The following TMC2 variants were observed in gnomAD, a reference collection of about 807,000 sequenced individuals.
The protein encoded by TMC2 is transmembrane channel-like protein 2.
TMC2 carries 102 observed loss-of-function variants against 105.9 expected under a neutral mutation model. That is an observed-to-expected ratio of 0.96 (90% CI 0.82 to 1.14). The LOEUF is 1.14. TMC2 is among the 50% of genes most tolerant of loss of function. The pLI, the probability that TMC2 is intolerant of heterozygous loss-of-function variation, is 0.00. For synonymous variants in TMC2, 402 were observed against 422.8 expected, an observed-to-expected ratio of 0.95 and a Z score of 0.60; for missense variants, 1,093 against 1,134.3, an observed-to-expected ratio of 0.96 and a Z score of 0.52.
chr20:2,617,258 G>T lies in TMC2; in HGVS notation c.2127G>T (p.Pro709=). ...TGGTGCTCTTCCTCAGCCTCCTGCC[G>T]GTGGCCTACACCATCATGTCCCTCC... ...LLLVLFLSLL[P]VAYTIMSLPP... is the part of the protein sequence containing the mutation. The change falls in exon 16 of 20, where the codon CCG becomes CCT. Residue 709 remains proline, a synonymous_variant. Coordinates refer to ENST00000358864, the MANE Select transcript of TMC2 (RefSeq NM_080751.3). 2 of 1,614,160 alleles carry T rather than the reference G, an allele frequency of 1.2e-6. No homozygotes were observed. Among genetic ancestry groups the T allele is most frequent in the South Asian group, 2.2e-5 (2 of 91,082 alleles).
intron 8 of TMC2, among the ~76,000 whole-genome samples, chr20:2,593,065 G>T (rs2086280340): frequency 6.6e-6 from 1 of 152,150 alleles, no homozygotes; most frequent in South Asian, 2.1e-4. Context: ...GGGTTTAATT[G>T]GTTCACAGTT....
Position 2,546,103 on chromosome 20 carries a change from A to ACC in TMC2, c.82+8787_82+8788insCC, listed in dbSNP as rs2085924813. 3.9e-5 allele frequency among the ~76,000 whole-genome samples: 6 copies of ACC among 152,280 alleles called. No individual in the cohort carries two copies. The South Asian group carries it at 1.2e-3, about 32-fold the overall frequency. ...ACAAAAGGTCCCCAAGTAGTGTTTT[A>ACC]TGGAGGCAGGGCCCTTCTAGGACAT... On this transcript the variant is annotated intron_variant, in intron 2 of 19. Transcript: ENST00000358864.
intron 4 of TMC2, among the ~76,000 whole-genome samples, chr20:2,570,987 A>G (rs2086099021): frequency 6.6e-6 from 1 of 152,218 alleles, no homozygotes. Flanking sequence ...CTCACCATAC[A>G]CAAAAATCAG....
chr20:2,586,941 T>G (rs1030707516), intron 7 of TMC2, among the ~76,000 whole-genome samples: 5 of 152,244 alleles, frequency 3.3e-5, no homozygotes, highest in Non-Finnish European at 5.9e-5. Flanking sequence ...TGAATAATTT[T>G]CAAGACTTTA....
chr20:2,617,443 T>C lies in TMC2; in HGVS notation c.2180+132T>C, dbSNP rs115994996. ...CATGGAACTTTGGGTGAATCACCGATGCCATTTAAGAGGGTTTTCTGCCAG... is the reference window on the plus strand; with the variant it reads ...CATGGAACTTTGGGTGAATCACCGACGCCATTTAAGAGGGTTTTCTGCCAG... On this transcript the variant is annotated intron_variant, in intron 16 of 19. Coordinates refer to ENST00000358864, the MANE Select transcript of TMC2 (RefSeq NM_080751.3). 1.1e-3 allele frequency: 1,383 copies of C among 1,218,398 alleles called. 15 individuals are homozygous for C. In the African/African-American group the frequency reaches 0.019, roughly 16 times the overall value. 75.5% of individuals were successfully genotyped at this position (1,218,398 alleles called of 1,614,324 possible).
chr20:2,582,502 G>T (rs1177598077), intron 7 of TMC2, among the ~76,000 whole-genome samples: 1 of 151,976 alleles, frequency 6.6e-6, no homozygotes, highest in Non-Finnish European at 1.5e-5. Flanking sequence ...GAGAGACAGA[G>T]CCTCATTCTA....
chr20:2,608,253 T>A (rs1404823877), intron 11 of TMC2, among the ~76,000 whole-genome samples: 2 of 149,440 alleles, frequency 1.3e-5, no homozygotes, highest in Admixed American at 6.7e-5. Context: ...GATAAAGTCC[T>A]AAATGGCTTT....
At chr20:2,611,886 GTGGA>G (rs59459136) in intron 12 of TMC2, among the ~76,000 whole-genome samples, 1,740 of 87,050 alleles carry the variant, frequency 0.02, 7 homozygotes, top group East Asian at 0.032. Context: ...GGGTGGGTGG[GTGGA>G]TGGATGGATG....
chr20:2,548,543 C>T (rs1333003001), intron 2 of TMC2, among the ~76,000 whole-genome samples: 1 of 151,522 alleles, frequency 6.6e-6, no homozygotes, highest in Non-Finnish European at 1.5e-5. Context: ...GAGGCTGAGG[C>T]AGGAGAATTG....
At chr20:2,640,015 C>T (rs541801429) in intron 19 of TMC2, among the ~76,000 whole-genome samples, 1 of 152,326 alleles carries the variant, frequency 6.6e-6, no homozygotes, top group South Asian at 2.1e-4. Flanking sequence ...TGGAGTCACA[C>T]TCTGTCGCCC....
At chr20:2,597,539 G>A (rs569081338) in intron 10 of TMC2, among the ~76,000 whole-genome samples, 9 of 152,300 alleles carry the variant, frequency 5.9e-5, no homozygotes, top group African/African-American at 1.7e-4. Context: ...CCAGGCTGGA[G>A]TGCAGTGGTG....
chr20:2,544,068 A>ATTT (rs3051737), intron 2 of TMC2, among the ~76,000 whole-genome samples: 5 of 132,486 alleles, frequency 3.8e-5, no homozygotes, highest in South Asian at 2.5e-4. Context: ...TGCCTAGCTG[A>ATTT]TTTTTTTTTT....
intron 7 of TMC2, among the ~76,000 whole-genome samples, chr20:2,581,533 G>A (rs916153158): frequency 6.6e-6 from 1 of 152,206 alleles, no homozygotes; most frequent in Non-Finnish European, 1.5e-5. Context: ...ATTGTCAAAA[G>A]CTAATAGGAA....
At chr20:2,605,944 A>G (rs1173685589) in intron 11 of TMC2, among the ~76,000 whole-genome samples, 5 of 152,190 alleles carry the variant, frequency 3.3e-5, no homozygotes, top group African/African-American at 1.2e-4. Context: ...GGGCTGTCAG[A>G]CCTTGACTTT....
chr20:2,545,543 G>A (rs1244894860), intron 2 of TMC2, among the ~76,000 whole-genome samples: 1 of 152,084 alleles, frequency 6.6e-6, no homozygotes, highest in African/African-American at 2.4e-5. Context: ...TCTGGTTTTG[G>A]CCAGAATACT....
intron 10 of TMC2, among the ~76,000 whole-genome samples, chr20:2,599,538 C>CCTT (rs1568519575): frequency 9.6e-6 from 1 of 104,068 alleles, no homozygotes; most frequent in Non-Finnish European, 2.1e-5. Flanking sequence ...TCTTTAATTA[C>CCTT]ATTTTTTTTT....
intron 2 of TMC2, among the ~76,000 whole-genome samples, chr20:2,540,033 C>T (rs1415551668): frequency 6.8e-6 from 1 of 146,646 alleles, no homozygotes; most frequent in East Asian, 2.0e-4. Context: ...CTCTGTTGCC[C>T]AGGCTAGAGT....
intron 2 of TMC2, among the ~76,000 whole-genome samples, chr20:2,543,660 C>T (rs1247180301): frequency 2.0e-5 from 3 of 152,172 alleles, no homozygotes; most frequent in Admixed American, 2.0e-4. Flanking sequence ...AGCACAAAGT[C>T]ATCTTAATAC....
intron 2 of TMC2, among the ~76,000 whole-genome samples, chr20:2,541,714 A>G (rs1236581336): frequency 6.6e-6 from 1 of 152,176 alleles, no homozygotes; most frequent in Non-Finnish European, 1.5e-5. Flanking sequence ...CTCTTGTTAC[A>G]TGTTGCCAAA....
Sources: allele counts gnomAD v4.1 joint callset (sites outside exome capture counted in the v4.1 genomes callset), GRCh38; gene constraint gnomAD v4.1.1; transcripts MANE v1.5; gene names NCBI Gene and HGNC (gene_info 2026-07-23, HGNC 2026-07-21).